Variants in UGT1A8 observed in about 807,000 individuals in gnomAD.
UGT1A8 encodes UDP-glucuronosyltransferase 1A8.
UGT1A8 carries 39 observed loss-of-function variants against 45.3 expected under a neutral mutation model. The ratio of observed to expected loss-of-function variants is 0.86; its 90% CI spans 0.67 to 1.12. The LOEUF (loss-of-function observed/expected upper bound fraction) is 1.12, where lower values mean the gene tolerates loss of function less well. Ranked by LOEUF, UGT1A8 falls within the 50% of genes most tolerant of loss-of-function variation. UGT1A8 has a pLI of 0.00. For missense variants in UGT1A8, 719 were observed against 664.9 expected (o/e 1.08, Z -0.90); for synonymous variants, 275 against 249.2 (o/e 1.10, Z -0.97).
rs764805026 is a variant in UGT1A8 at position 233,618,005 on chromosome 2, G to C, written c.298G>C (p.Ala100Pro). ...GGATTTCGCCGATGCTCAATGGAAA[G>C]CACAAGTACGAAGTTTGTTTTCTCT... The part of the protein sequence containing the change: ...FMDFADAQWK[A>P]QVRSLFSLFL... Residue 100 changes from alanine (A) to proline (P), a missense_variant, in exon 1 of 5, where the codon GCA (alanine) becomes CCA (proline). Physicochemically the swap from Ala to Pro is conservative, Grantham distance 27 (BLOSUM62 -1). Coordinates refer to ENST00000373450, the MANE Select transcript of UGT1A8 (RefSeq NM_019076.5). The C allele has an allele frequency of 5.0e-6, 8 of 1,614,066 alleles. No homozygotes were observed. Among genetic ancestry groups the C allele is most frequent in the African/African-American group, 1.3e-5 (1 of 74,908 alleles).
chr2:233,719,349 C>T (rs2076756865), intron 1 of UGT1A8: 2 of 1,613,758 alleles, frequency 1.2e-6, no homozygotes, highest in Admixed American at 1.7e-5. Context: ...GAGGTACATT[C>T]CATGTGACTT....
Position 233,769,043 on chromosome 2 carries a change from C to T in UGT1A8, c.1295+604C>T, listed in dbSNP as rs1699778649. 6.6e-6 allele frequency among the ~76,000 whole-genome samples: 1 copy of T among 152,118 alleles called. No individual in the cohort carries two copies. The highest frequency in any genetic ancestry group is 1.5e-5 in the Non-Finnish European group (1 of 68,028). On this transcript the variant is annotated intron_variant, in intron 4 of 4. Coordinates refer to ENST00000373450, the MANE Select transcript of UGT1A8 (RefSeq NM_019076.5). This position sits in a 1 kb window ranked among gnomAD's most constrained non-coding sequence, Gnocchi z 4.4. ...AAAGTTGCCATAATAGACATCTGATCCATAAGTTTCCTGCACAGAAAGAAA... is the reference window on the plus strand; with the variant it reads ...AAAGTTGCCATAATAGACATCTGATTCATAAGTTTCCTGCACAGAAAGAAA...
intron 1 of UGT1A8, among the ~76,000 whole-genome samples, chr2:233,630,838 C>CT (rs35150625): frequency 1.3e-3 from 186 of 139,434 alleles, no homozygotes; most frequent in South Asian, 2.5e-3. Context: ...CTCTAAAACT[C>CT]TTTTTTTTTT....
chr2:233,761,081 C>A, intron 1 of UGT1A8: 2 of 1,614,180 alleles, frequency 1.2e-6, no homozygotes, highest in Non-Finnish European at 1.7e-6. Context: ...AAGGATTACC[C>A]TAGGCCCATC....
At chr2:233,763,030 G>T (rs1698223178) in intron 1 of UGT1A8, among the ~76,000 whole-genome samples, 1 of 152,142 alleles carries the variant, frequency 6.6e-6, no homozygotes, top group South Asian at 2.1e-4. Flanking sequence ...GTTAGCCATT[G>T]TTTTCTGAAC....
At chr2:233,754,654 T>C (rs1182813950) in intron 1 of UGT1A8, 3 of 457,300 alleles carry the variant, frequency 6.6e-6, no homozygotes, top group Admixed American at 4.9e-5. Context: ...TCAATGATTC[T>C]CTTGGTGGTG....
intron 1 of UGT1A8, among the ~76,000 whole-genome samples, chr2:233,753,993 T>C (rs970764565): frequency 1.4e-4 from 22 of 152,184 alleles, no homozygotes; most frequent in Admixed American, 1.4e-3. Context: ...GCCACCAAGT[T>C]TGGGTAATTT....
rs150219224 is a variant in UGT1A8 at position 233,717,206 on chromosome 2, C to T, written c.856-49828C>T. ...CCCTCCCAGGCATGTTCCACCCTCA[C>T]CCCGGGCTCATCAGGAGGGTTCTTA... On this transcript the variant is annotated intron_variant, in intron 1 of 4. Transcript: ENST00000373450. 4.2e-3 allele frequency among the ~76,000 whole-genome samples: 642 copies of T among 152,286 alleles called. 13 individuals are homozygous for T. The highest frequency in any genetic ancestry group is 0.038 in the Admixed American group (585 of 15,298).
At chr2:233,726,154 A>C (rs1401315695) in intron 1 of UGT1A8, among the ~76,000 whole-genome samples, 3 of 152,336 alleles carry the variant, frequency 2.0e-5, no homozygotes, top group Middle Eastern at 3.4e-3. Flanking sequence ...TGACAGAGTG[A>C]GGCCCCATTT....
chr2:233,745,165 T>C (rs992163806), intron 1 of UGT1A8, among the ~76,000 whole-genome samples: 1 of 151,884 alleles, frequency 6.6e-6, no homozygotes, highest in African/African-American at 2.4e-5. Flanking sequence ...CAAATGTGCA[T>C]GTTATTCACT....
At chr2:233,729,740 T>G (rs1312965874) in intron 1 of UGT1A8, 8 of 1,613,982 alleles carry the variant, frequency 5.0e-6, no homozygotes, top group Non-Finnish European at 6.8e-6. Flanking sequence ...TCAGACCACA[T>G]GACATTCATG....
intron 1 of UGT1A8, chr2:233,690,719 C>G: frequency 2.0e-5 from 24 of 1,214,918 alleles, no homozygotes; most frequent in Non-Finnish European, 2.5e-5. Context: ...TTATGACGAA[C>G]AGACATGCCA....
chr2:233,704,184 C>G (rs2075771815), intron 1 of UGT1A8, among the ~76,000 whole-genome samples: 1 of 151,754 alleles, frequency 6.6e-6, no homozygotes, highest in Admixed American at 6.6e-5. Flanking sequence ...AGCCACTGTG[C>G]CTGGCCCCAT....
intron 1 of UGT1A8, chr2:233,760,350 C>T (rs1374994213): frequency 1.2e-6 from 2 of 1,613,944 alleles, no homozygotes; most frequent in African/African-American, 2.7e-5. Context: ...GTGTGCTGGG[C>T]CCAGTGGTGT....
chr2:233,718,197 C>T (rs1417853211), intron 1 of UGT1A8, among the ~76,000 whole-genome samples: 5 of 152,036 alleles, frequency 3.3e-5, no homozygotes, highest in South Asian at 4.1e-4. Context: ...CTCCCCGGAG[C>T]TTTTTTTTAT....
At chr2:233,621,774 A>C (rs1207626200) in intron 1 of UGT1A8, among the ~76,000 whole-genome samples, 2 of 152,114 alleles carry the variant, frequency 1.3e-5, no homozygotes, top group Non-Finnish European at 2.9e-5. Context: ...GTACATGTGC[A>C]CAACGTAAAG....
At chr2:233,768,071 G>T in intron 3 of UGT1A8, 135 bp downstream of exon 3, 1 of 1,595,002 alleles carries the variant, frequency 6.3e-7, no homozygotes, top group Non-Finnish European at 8.6e-7. Flanking sequence ...TTTATCTAGT[G>T]GGGTATCTCA....
rs559276677 is a variant in UGT1A8 at position 233,725,023 on chromosome 2, C to T, written c.856-42011C>T. Among the ~76,000 whole-genome samples the T allele has an allele frequency of 1.0e-4, 15 of 148,462 alleles. 1 individual carries two copies. The highest frequency in any genetic ancestry group is 6.9e-4 in the South Asian group (3 of 4,350). On this transcript the variant is annotated intron_variant, in intron 1 of 4. Coordinates refer to ENST00000373450, the MANE Select transcript of UGT1A8 (RefSeq NM_019076.5). ...ACCGGCCCGGCCAAACAGCAAAACCCGGTCTCCACCAAAACCAGTCAGGCG... is the reference window on the plus strand; with the variant it reads ...ACCGGCCCGGCCAAACAGCAAAACCTGGTCTCCACCAAAACCAGTCAGGCG...
At position 233,618,014 on chromosome 2, in the gene UGT1A8, C is replaced by A. The variant is rs763801706; in HGVS notation, c.307C>A (p.Arg103=). The part of the protein sequence containing the change: ...FADAQWKAQV[R]SLFSLFLSSS... Reference sequence around the variant, plus strand: ...CGATGCTCAATGGAAAGCACAAGTACGAAGTTTGTTTTCTCTATTTCTGAG... The same window carrying A: ...CGATGCTCAATGGAAAGCACAAGTAAGAAGTTTGTTTTCTCTATTTCTGAG... Residue 103 remains arginine, a synonymous_variant, in exon 1 of 5, where the codon CGA becomes AGA. Coordinates refer to ENST00000373450, the MANE Select transcript of UGT1A8 (RefSeq NM_019076.5). The A allele has an allele frequency of 6.2e-7, 1 of 1,614,138 alleles. No individual in the cohort carries two copies.
Sources: allele counts gnomAD v4.1 joint callset (sites outside exome capture counted in the v4.1 genomes callset), GRCh38; gene constraint gnomAD v4.1.1; non-coding constraint Gnocchi (gnomAD v3.1); transcripts MANE v1.5; gene names NCBI Gene and HGNC (gene_info 2026-07-23, HGNC 2026-07-21).